Variants in KIAA1549L observed in about 807,000 individuals in gnomAD.
The protein encoded by KIAA1549L is KIAA1549 like, also known as UPF0606 protein KIAA1549L.
KIAA1549L carries 88 observed loss-of-function variants against 160.7 expected under a neutral mutation model. The ratio of observed to expected loss-of-function variants is 0.55; its 90% CI spans 0.46 to 0.65. KIAA1549L has a LOEUF of 0.65. KIAA1549L is among the 30% of genes least tolerant of loss of function. KIAA1549L has a pLI of 0.00. For missense variants in KIAA1549L, 2,258 were observed against 2,437.5 expected (o/e 0.93, Z 1.55); for synonymous variants, 950 against 976.7 (o/e 0.97, Z 0.51).
intron 1 of KIAA1549L, among the ~76,000 whole-genome samples, chr11:33,466,513 G>A (rs896984655): frequency 1.3e-5 from 2 of 152,194 alleles, no homozygotes; most frequent in African/African-American, 2.4e-5. Context: ...CTTTTACACT[G>A]TTGGTGGGAG....
chr11:33,598,712 A>C, intron 12 of KIAA1549L, 108 bp from the exon 13 acceptor site: 2 of 1,311,230 alleles, frequency 1.5e-6, no homozygotes. Context: ...TGTCCATTAA[A>C]CTGGAATGAA....
At chr11:33,476,853 A>G (rs1409311576) in intron 1 of KIAA1549L, among the ~76,000 whole-genome samples, 1 of 152,096 alleles carries the variant, frequency 6.6e-6, no homozygotes, top group African/African-American at 2.4e-5. Context: ...ACCTATTCCT[A>G]CTTGAACATC....
chr11:33,494,806 G>A (rs186183595), intron 1 of KIAA1549L, among the ~76,000 whole-genome samples: 21 of 152,288 alleles, frequency 1.4e-4, no homozygotes, highest in Admixed American at 1.3e-3. Flanking sequence ...CTGAACAGAG[G>A]TGCAGAGGTG....
chr11:33,533,852 A>G (rs535038396), intron 1 of KIAA1549L, among the ~76,000 whole-genome samples: 1 of 152,224 alleles, frequency 6.6e-6, no homozygotes, highest in African/African-American at 2.4e-5. Flanking sequence ...TCTGTTTCCT[A>G]TCTTTCCTCA....
chr11:33,433,064 A>G (rs1240943518), intron 1 of KIAA1549L, among the ~76,000 whole-genome samples: 1 of 152,260 alleles, frequency 6.6e-6, no homozygotes, highest in Admixed American at 6.5e-5. Context: ...CAATTGCAAC[A>G]AAAGCCAAAA....
rs531378929 is a variant in KIAA1549L, at chr11:33,563,935, C to T, written c.4078+2200C>T. On this transcript the variant is annotated intron_variant, in intron 8 of 20. Coordinates refer to ENST00000658780, the MANE Select transcript of KIAA1549L (RefSeq NM_012194.3). ...TTTTCTTCATCTACCCGTGTCTTGC[C>T]GTGCCTCTATTTTGGTAACATAACC... is the stretch of plus-strand genomic sequence containing the variant. Among the ~76,000 whole-genome samples, 4 of 152,242 alleles carry T rather than the reference C, an allele frequency of 2.6e-5. No homozygotes were observed. In the South Asian group the frequency reaches 8.3e-4, roughly 32 times the overall value.
chr11:33,612,888 GA>G (rs1284767103), intron 15 of KIAA1549L, among the ~76,000 whole-genome samples: 1 of 152,176 alleles, frequency 6.6e-6, no homozygotes, highest in Non-Finnish European at 1.5e-5. Context: ...GTTTGCTAAG[GA>G]TAATAGCCTC....
chr11:33,404,185 T>C (rs890856454), intron 1 of KIAA1549L, among the ~76,000 whole-genome samples: 3 of 152,226 alleles, frequency 2.0e-5, no homozygotes, highest in Non-Finnish European at 4.4e-5. Flanking sequence ...TGAAAAGCTA[T>C]GTGAGGCACA....
intron 1 of KIAA1549L, among the ~76,000 whole-genome samples, chr11:33,384,183 C>T (rs2134036580): frequency 6.6e-6 from 1 of 152,318 alleles, no homozygotes; most frequent in East Asian, 1.9e-4. Context: ...TTTTCCATCC[C>T]TGTAGTTTTG....
intron 15 of KIAA1549L, among the ~76,000 whole-genome samples, chr11:33,611,445 T>A (rs1564923336): frequency 6.6e-6 from 1 of 152,108 alleles, no homozygotes; most frequent in East Asian, 1.9e-4. Flanking sequence ...ATAATTTATT[T>A]TCAATAAAGA....
chr11:33,403,922 G>A (rs950088070), intron 1 of KIAA1549L, among the ~76,000 whole-genome samples: 3 of 152,266 alleles, frequency 2.0e-5, no homozygotes, highest in Admixed American at 6.5e-5. Context: ...AAGTTTCTAA[G>A]CATTCGGCTT....
intron 18 of KIAA1549L, among the ~76,000 whole-genome samples, chr11:33,656,949 C>T (rs1239257151): frequency 6.6e-6 from 1 of 152,158 alleles, no homozygotes; most frequent in Non-Finnish European, 1.5e-5. Flanking sequence ...GTTGGCCTTG[C>T]CCCTCCAGCC....
At chr11:33,518,573 C>T (rs1027205556) in intron 1 of KIAA1549L, among the ~76,000 whole-genome samples, 7 of 152,064 alleles carry the variant, frequency 4.6e-5, no homozygotes, top group Non-Finnish European at 8.8e-5. Flanking sequence ...TGGCTTTGTC[C>T]CTTGTATAGT....
intron 1 of KIAA1549L, among the ~76,000 whole-genome samples, chr11:33,495,867 C>T (rs1852805274): frequency 6.6e-6 from 1 of 151,920 alleles, no homozygotes; most frequent in Admixed American, 6.5e-5. Context: ...TTGCATTTCT[C>T]TAATGGCCAG....
chr11:33,485,335 T>C (rs993991115), intron 1 of KIAA1549L, among the ~76,000 whole-genome samples: 1 of 152,202 alleles, frequency 6.6e-6, no homozygotes, highest in Admixed American at 6.5e-5. Context: ...ACAAAATGCA[T>C]GTTCAATCTT....
At position 33,670,626 on chromosome 11, in the gene KIAA1549L, G is replaced by A. The variant is rs866565627; in HGVS notation, c.*2472G>A. On this transcript the variant is annotated 3_prime_UTR_variant, in exon 21 of 21. Coordinates refer to ENST00000658780, the MANE Select transcript of KIAA1549L (RefSeq NM_012194.3). ...GAGCCACTCTGGTCAGATTTTCTGT[G>A]AGTGAGATGTGGTCCCTTCCCTGAA... 3 of 152,248 alleles carry A rather than the reference G, an allele frequency of 2.0e-5. No homozygotes were observed. Among genetic ancestry groups the A allele is most frequent in the Non-Finnish European group, 4.4e-5 (3 of 68,054 alleles). 9.4% of individuals were successfully genotyped at this position (152,248 alleles called of 1,614,324 possible).
At chr11:33,426,357 G>T (rs1375182207) in intron 1 of KIAA1549L, among the ~76,000 whole-genome samples, 2 of 152,126 alleles carry the variant, frequency 1.3e-5, no homozygotes, top group Non-Finnish European at 2.9e-5. Context: ...AGTAGAGGGG[G>T]TTTCATTTCT....
In KIAA1549L at chr11:33,660,940, C is replaced by G. The variant is rs961309506; in HGVS notation, c.6085C>G (p.Pro2029Ala). ...CACCGGCTACTTCATCCCAACGCCT[C>G]CCTCATCCTATAGGAACCAGGCCTG... ...GFTGYFIPTP[P>A]SSYRNQAWMS... The change falls in exon 20 of 21, where the codon CCC (proline) becomes GCC (alanine). Residue 2029 changes from proline (P) to alanine (A), a missense_variant. Transcript: ENST00000658780. 12 of 1,613,450 alleles carry G rather than the reference C, an allele frequency of 7.4e-6. No homozygotes were observed. The highest frequency in any genetic ancestry group is 1.0e-5 in the Non-Finnish European group (12 of 1,179,720).
chr11:33,460,608 T>C (rs1418597957), intron 1 of KIAA1549L, among the ~76,000 whole-genome samples: 4 of 152,222 alleles, frequency 2.6e-5, no homozygotes, highest in Non-Finnish European at 5.9e-5. Context: ...TGTGAATGCA[T>C]GTGTGTTTGT....
Sources: gnomAD v4.1 joint callset for allele counts (sites outside exome capture counted in the v4.1 genomes callset) on GRCh38, gnomAD v4.1.1 for gene constraint, MANE v1.5 for transcripts, NCBI Gene and HGNC (gene_info 2026-07-23, HGNC 2026-07-21) for gene names.